The following FCRL2 variants were observed in gnomAD, a reference collection of about 807,000 sequenced individuals.
The protein encoded by FCRL2 is Fc receptor like 2.
In FCRL2, 48 loss-of-function variants were observed where a neutral mutation model predicts 59.8. The ratio of observed to expected loss-of-function variants is 0.80; its 90% CI spans 0.64 to 1.02. The LOEUF is 1.02. Among genes scored for constraint, FCRL2 ranks in the 50% least tolerant of loss-of-function variants. The pLI is 0.00. For synonymous variants in FCRL2, 251 were observed against 229.5 expected, an observed-to-expected ratio of 1.09 and a Z score of -0.85; for missense variants, 658 against 597.3, an observed-to-expected ratio of 1.10 and a Z score of -1.06.
rs1329595100 is a variant in FCRL2 at position 157,745,935 on chromosome 1, C to A, written c.*801G>T. On this transcript the variant is annotated 3_prime_UTR_variant, in exon 12 of 12. Transcript: ENST00000361516. ...ACACAGATTTTTTGGTTTCCCAGTGCATATAAGTTATGTTTACACTCAAGT... is the reference window on the plus strand; with the variant it reads ...ACACAGATTTTTTGGTTTCCCAGTGAATATAAGTTATGTTTACACTCAAGT... The A allele has an allele frequency of 6.6e-6, 1 of 152,050 alleles. No homozygotes were observed. Among genetic ancestry groups the A allele is most frequent in the African/African-American group, 2.4e-5 (1 of 41,396 alleles). 9.4% of individuals were successfully genotyped at this position (152,050 alleles called of 1,614,324 possible). A position where few individuals can be genotyped will look rare whatever the true frequency, so the allele number is the denominator to read the frequency against.
chr1:157,772,800 T>G (rs1321041266), intron 2 of FCRL2, among the ~76,000 whole-genome samples: 1 of 152,222 alleles, frequency 6.6e-6, no homozygotes, highest in East Asian at 1.9e-4. Context: ...CTCTCCATCA[T>G]CCACTCCTTG....
chr1:157,770,648 G>T lies in FCRL2; in HGVS notation c.71C>A (p.Ala24Glu). The T allele has an allele frequency of 1.2e-6, 2 of 1,614,100 alleles. No individual in the cohort carries two copies. Among genetic ancestry groups the T allele is most frequent in the Non-Finnish European group, 8.5e-7 (1 of 1,179,986 alleles). Residue 24 changes from alanine to glutamate, a missense_variant, in exon 3 of 12, where the codon GCG becomes GAG. By Grantham distance (107) the Ala-to-Glu change is moderately radical (BLOSUM62 -1). Transcript: ENST00000361516. Reference protein sequence around the residue: ...TEQADSLTLVAPSSVFEGDSI... With the variant: ...TEQADSLTLVEPSSVFEGDSI... Reference sequence around the variant, plus strand: ...GTCTCCTTCGAAGACAGAAGAGGGCGCCACAAGGGTCAGCGAATCTGGAAG... The same window carrying T: ...GTCTCCTTCGAAGACAGAAGAGGGCTCCACAAGGGTCAGCGAATCTGGAAG...
rs543447651 is a variant in FCRL2 at position 157,770,132 on chromosome 1, A to G, written c.329T>C (p.Val110Ala). The part of the protein sequence containing the change: ...IKVQELFQRP[V>A]LTASSFQPIE... ...GGGCTGGAAGGAGCTGGCAGTCAGCACAGGACGTTGAAAGAGCTCTAGAGA... is the reference window on the plus strand; with the variant it reads ...GGGCTGGAAGGAGCTGGCAGTCAGCGCAGGACGTTGAAAGAGCTCTAGAGA... Residue 110 changes from valine (V) to alanine (A), a missense_variant, in exon 4 of 12, where the codon GTG becomes GCG. Transcript: ENST00000361516. The G allele has an allele frequency of 1.3e-4, 206 of 1,613,838 alleles. No individual in the cohort carries two copies. The highest frequency in any genetic ancestry group is 1.7e-4 in the Non-Finnish European group (205 of 1,179,994).
At chr1:157,754,973 A>AT (rs1302286670) in intron 7 of FCRL2, among the ~76,000 whole-genome samples, 1 of 152,074 alleles carries the variant, frequency 6.6e-6, no homozygotes, top group East Asian at 1.9e-4. Context: ...CTCAAAAAAA[A>AT]AAGAAAAGAA....
chr1:157,764,044 A>AT (rs1649311131), intron 7 of FCRL2, among the ~76,000 whole-genome samples: 1 of 151,342 alleles, frequency 6.6e-6, no homozygotes, highest in African/African-American at 2.4e-5. Context: ...AAAAAAAAAA[A>AT]AAAGCAAAAA....
At chr1:157,766,641 C>A (rs12064217) in intron 7 of FCRL2, 107,926 of 610,006 alleles carry the variant, frequency 0.18, 9,970 homozygotes, top group African/African-American at 0.26. Context: ...ATTTAATCTC[C>A]AGTGACTATG....
At position 157,746,363 on chromosome 1, in the gene FCRL2, C is replaced by A; in HGVS notation, c.*373G>T. ...CAACAAAATATTAGCAAACTGTATCCAGCAGCACATAAATAAGTTAATACA... is the reference window on the plus strand; with the variant it reads ...CAACAAAATATTAGCAAACTGTATCAAGCAGCACATAAATAAGTTAATACA... On this transcript the variant is annotated 3_prime_UTR_variant, in exon 12 of 12. Transcript: ENST00000361516. The A allele has an allele frequency of 5.0e-6, 1 of 200,672 alleles. No individual in the cohort carries two copies. The highest frequency in any genetic ancestry group is 5.5e-5 in the Admixed American group (1 of 18,042). 12.4% of individuals were successfully genotyped at this position (200,672 alleles called of 1,614,324 possible). A position where few individuals can be genotyped will look rare whatever the true frequency, so the allele number is the denominator to read the frequency against.
Position 157,767,518 on chromosome 1 carries a change from C to A in FCRL2, c.884-9G>T. ...AGGGCGAGACACTGGAACTGACAGACACAGAGGGGCTATCAGAAAAGATTT... is the reference window on the plus strand; with the variant it reads ...AGGGCGAGACACTGGAACTGACAGAAACAGAGGGGCTATCAGAAAAGATTT... On this transcript the variant is annotated splice_polypyrimidine_tract_variant and intron_variant, in intron 5 of 11. Transcript: ENST00000361516. The A allele has an allele frequency of 6.2e-7, 1 of 1,614,244 alleles. No individual in the cohort carries two copies. The highest frequency in any genetic ancestry group is 8.5e-7 in the Non-Finnish European group (1 of 1,180,040).
chr1:157,776,737 G>T (rs548648623), intron 1 of FCRL2, among the ~76,000 whole-genome samples: 1 of 152,242 alleles, frequency 6.6e-6, no homozygotes, highest in South Asian at 2.1e-4. Flanking sequence ...CTAATATTAT[G>T]AACATTTTAC....
At chr1:157,757,282 CA>C (rs1212036112) in intron 7 of FCRL2, among the ~76,000 whole-genome samples, 2 of 152,042 alleles carry the variant, frequency 1.3e-5, no homozygotes, top group Non-Finnish European at 2.9e-5. Flanking sequence ...GTACTAATGC[CA>C]AATGTGATTA....
intron 10 of FCRL2, 31 bp downstream of exon 10, chr1:157,748,522 A>C (rs774828933): frequency 1.3e-6 from 2 of 1,560,820 alleles, no homozygotes; most frequent in East Asian, 4.5e-5. Context: ...GTGAATATGC[A>C]TCTGACAAGA....
At chr1:157,774,445 C>G (rs745999220) in intron 2 of FCRL2, 4 of 456,310 alleles carry the variant, frequency 8.8e-6, no homozygotes, top group Non-Finnish European at 1.8e-5. Flanking sequence ...GAACTAAGTT[C>G]TCTCTTACTC....
intron 7 of FCRL2, 90 bp downstream of exon 7, chr1:157,766,765 C>A: frequency 6.4e-7 from 1 of 1,571,688 alleles, no homozygotes; most frequent in Non-Finnish European, 8.6e-7. Context: ...GGAGAGTTTT[C>A]TTTTCTCTCT....
rs755460380 is a variant in FCRL2, at chr1:157,748,611, A to G, written c.1401T>C (p.Ser467=). Residue 467 remains serine (S), a synonymous_variant, in exon 10 of 12, where the codon TCT becomes TCC. Transcript: ENST00000361516. ...GAGAATAAACCACATCCACATCTAC[A>G]GAGCCCACTGCAGGGAGAAGACAAG... ...ELQPVYVNVG[S]VDVDVVYSQV... is the part of the protein sequence containing the mutation. 2.5e-5 allele frequency: 41 copies of G among 1,613,812 alleles called. 1 individual carries two copies. Among genetic ancestry groups the G allele is most frequent in the South Asian group, 1.5e-4 (14 of 91,074 alleles).
chr1:157,762,779 G>A (rs888102377), intron 7 of FCRL2, among the ~76,000 whole-genome samples: 1 of 152,130 alleles, frequency 6.6e-6, no homozygotes, highest in Non-Finnish European at 1.5e-5. Context: ...AAGAGAGAAT[G>A]GTATAAAATA....
In FCRL2 at chr1:157,746,438, C is replaced by A; in HGVS notation, c.*298G>T. The A allele has an allele frequency of 2.1e-6, 1 of 471,880 alleles. No homozygotes were observed. The highest frequency in any genetic ancestry group is 3.8e-6 in the Non-Finnish European group (1 of 261,194). The allele number at this position is 471,880 out of a possible 1,614,324, so 29.2% of individuals were successfully genotyped here. A position where few individuals can be genotyped will look rare whatever the true frequency, so the allele number is the denominator to read the frequency against. The stretch of plus-strand genomic sequence containing the variant: ...ACTTCACAGTAGATGAAGGTGAGAC[C>A]TTGTATCTCTTATTCATTCTTCCCT... On this transcript the variant is annotated 3_prime_UTR_variant, in exon 12 of 12. Coordinates refer to ENST00000361516, the MANE Select transcript of FCRL2 (RefSeq NM_030764.4).
intron 5 of FCRL2, chr1:157,768,185 G>A: frequency 2.0e-6 from 1 of 510,938 alleles, no homozygotes; most frequent in Non-Finnish European, 3.5e-6. Flanking sequence ...TCCTATCGTA[G>A]GATTGCAAGA....
intron 2 of FCRL2, among the ~76,000 whole-genome samples, chr1:157,772,774 T>G (rs976270249): frequency 1.3e-5 from 2 of 152,208 alleles, no homozygotes; most frequent in Admixed American, 1.3e-4. Context: ...TTTCATGCAC[T>G]TATAATTTTT....
intron 2 of FCRL2, 65 bp from the exon 3 acceptor site, chr1:157,770,731 C>T (rs1174870131): frequency 6.4e-7 from 1 of 1,571,970 alleles, no homozygotes. Context: ...ACTCCATTGG[C>T]AGTGAGGTGG....
Sources: allele counts gnomAD v4.1 joint callset (sites outside exome capture counted in the v4.1 genomes callset), GRCh38; gene constraint gnomAD v4.1.1; transcripts MANE v1.5; gene names NCBI Gene and HGNC (gene_info 2026-07-23, HGNC 2026-07-21).